GRM7: variants seen among roughly 807,000 people sequenced by gnomAD.
GRM7 encodes metabotropic glutamate receptor 7.
A neutral mutation model predicts 84.5 loss-of-function variants in GRM7; 35 were observed. The observed-to-expected ratio is 0.41, with a 90% confidence interval of 0.32 to 0.55. The LOEUF is 0.55. GRM7 is among the 20% of genes least tolerant of loss of function. The pLI is 0.19. For missense variants in GRM7, 1,003 were observed against 1,194.6 expected (o/e 0.84, Z 2.36); for synonymous variants, 487 against 455.1 (o/e 1.07, Z -0.89).
chr3:7,299,134 A>G (rs1229681868), intron 3 of GRM7, among the ~76,000 whole-genome samples: 1 of 152,212 alleles, frequency 6.6e-6, no homozygotes, highest in African/African-American at 2.4e-5. Flanking sequence ...TATCCAAAGA[A>G]TGGTTCTCTT....
intron 4 of GRM7, among the ~76,000 whole-genome samples, chr3:7,413,230 C>T (rs1696018309): frequency 6.6e-6 from 1 of 152,114 alleles, no homozygotes; most frequent in African/African-American, 2.4e-5. Flanking sequence ...GCTCCATAGC[C>T]ATTAATAAAG....
In GRM7 at chr3:6,997,655, C is replaced by A. The variant is rs568696956; in HGVS notation, c.519+135748C>A. Among the ~76,000 whole-genome samples, 152 of 152,234 alleles carry A rather than the reference C, an allele frequency of 1.0e-3. 1 individual carries two copies. The highest frequency in any genetic ancestry group is 3.6e-3 in the African/African-American group (148 of 41,552). Reference sequence around the variant, plus strand: ...GATGAGAGGTGGGTGGGGACACCACCAAACCATATAATTCTGCTCCTGGCA... The same window carrying A: ...GATGAGAGGTGGGTGGGGACACCACAAAACCATATAATTCTGCTCCTGGCA... On this transcript the variant is annotated intron_variant, in intron 1 of 9. Transcript: ENST00000357716.
chr3:7,647,315 A>G (rs1396489387), intron 8 of GRM7, among the ~76,000 whole-genome samples: 1 of 152,126 alleles, frequency 6.6e-6, no homozygotes, highest in Non-Finnish European at 1.5e-5. Flanking sequence ...TTTCTTCCCA[A>G]TCCTGAGAAA....
intron 2 of GRM7, among the ~76,000 whole-genome samples, chr3:7,285,683 C>G (rs1273212852): frequency 6.6e-6 from 1 of 152,026 alleles, no homozygotes. Context: ...GATGCCTCTA[C>G]CTACCAAATA....
intron 5 of GRM7, among the ~76,000 whole-genome samples, chr3:7,448,506 T>G (rs1311563850): frequency 6.6e-6 from 1 of 152,122 alleles, no homozygotes; most frequent in East Asian, 1.9e-4. Context: ...CTGAACAGAA[T>G]CAGATTTCAG....
intron 7 of GRM7, among the ~76,000 whole-genome samples, chr3:7,564,544 C>T (rs1305969323): frequency 6.6e-6 from 1 of 152,142 alleles, no homozygotes; most frequent in Non-Finnish European, 1.5e-5. Flanking sequence ...ACATTAAATA[C>T]TGGCAATGTT....
In GRM7 at chr3:7,202,151, T is replaced by G. The variant is rs1696089155; in HGVS notation, c.736+55483T>G. Among the ~76,000 whole-genome samples, 3 of 152,168 alleles carry G rather than the reference T, an allele frequency of 2.0e-5. No homozygotes were observed. The South Asian group carries it at 6.2e-4, about 32-fold the overall frequency. ...TCTTGTCTCAAATTAAAGGCTATTT[T>G]CAGGGTTATCTGGTTTTCTTTTCCA... On this transcript the variant is annotated intron_variant, in intron 2 of 9. Coordinates refer to ENST00000357716, the MANE Select transcript of GRM7 (RefSeq NM_000844.4).
At chr3:7,576,912 C>G (rs936192617) in intron 7 of GRM7, among the ~76,000 whole-genome samples, 9 of 152,148 alleles carry the variant, frequency 5.9e-5, no homozygotes, top group African/African-American at 2.2e-4. Context: ...ATGTCATAGT[C>G]TAGGAAAATT....
chr3:7,186,806 T>A (rs1488389312), intron 2 of GRM7, among the ~76,000 whole-genome samples: 1 of 152,226 alleles, frequency 6.6e-6, no homozygotes, highest in African/African-American at 2.4e-5. Context: ...TGTTAATTAG[T>A]CTTCTATTGT....
intron 1 of GRM7, among the ~76,000 whole-genome samples, chr3:6,945,412 A>G (rs574215569): frequency 1.3e-5 from 2 of 152,234 alleles, no homozygotes; most frequent in African/African-American, 4.8e-5. Flanking sequence ...TTATGGCTGC[A>G]TAGTATTCCA....
In GRM7 at chr3:7,419,995, G is replaced by A. The variant is rs183076727; in HGVS notation, c.1174+4832G>A. On this transcript the variant is annotated intron_variant, in intron 5 of 9. Coordinates refer to ENST00000357716, the MANE Select transcript of GRM7 (RefSeq NM_000844.4). ...GGCTAAAGAGCGTACTCTGATAAAT[G>A]TCTACATTTTGGAAGGTCAGAATTC... Among the ~76,000 whole-genome samples, 86 of 152,238 alleles carry A rather than the reference G, an allele frequency of 5.6e-4. 1 individual carries two copies. The highest frequency in any genetic ancestry group is 1.0e-4 in the Non-Finnish European group (7 of 68,014).
intron 5 of GRM7, among the ~76,000 whole-genome samples, chr3:7,442,075 T>C (rs1215877043): frequency 1.3e-5 from 2 of 152,166 alleles, no homozygotes; most frequent in Non-Finnish European, 2.9e-5. Flanking sequence ...CTTTGGGCAG[T>C]ATGGCCATTT....
chr3:6,984,405 A>G (rs1274462711), intron 1 of GRM7, among the ~76,000 whole-genome samples: 1 of 152,208 alleles, frequency 6.6e-6, no homozygotes, highest in Non-Finnish European at 1.5e-5. Flanking sequence ...GATGCATTAC[A>G]ATGGCAGTCC....
intron 1 of GRM7, among the ~76,000 whole-genome samples, chr3:6,946,422 T>TCTGTTTTGGTACCAGTACCATG (rs1698084432): frequency 1.3e-5 from 2 of 152,218 alleles, no homozygotes; most frequent in African/African-American, 4.8e-5. Context: ...GGTCTATATC[T>TCTGTTTTGGTACCAGTACCATG]CTGTTTTGGT....
chr3:7,579,318 C>T lies in GRM7; in HGVS notation c.2412C>T (p.Phe804=), dbSNP rs1276097899. Reference sequence around the variant, plus strand: ...CGACATGTATAGTATGGCTTGCCTTCATTCCAATTTTTTTTGGCACCGCTC... The same window carrying T: ...CGACATGTATAGTATGGCTTGCCTTTATTCCAATTTTTTTTGGCACCGCTC... ...MYTTCIVWLA[F]IPIFFGTAQS... Residue 804 remains phenylalanine, a synonymous_variant, in exon 8 of 10, where the codon TTC becomes TTT. Transcript: ENST00000357716. 1.3e-6 allele frequency: 2 copies of T among 1,571,280 alleles called. No individual in the cohort carries two copies. Among genetic ancestry groups the T allele is most frequent in the Admixed American group, 1.8e-5 (1 of 54,828 alleles).
intron 7 of GRM7, among the ~76,000 whole-genome samples, chr3:7,467,056 T>C (rs903492132): frequency 6.6e-6 from 1 of 152,178 alleles, no homozygotes; most frequent in African/African-American, 2.4e-5. Flanking sequence ...CAGCCATTAG[T>C]CCCTCTTCCT....
rs553822741 is a variant in GRM7, at chr3:7,102,727, G to T, written c.520-43725G>T. Among the ~76,000 whole-genome samples, 10 of 151,812 alleles carry T rather than the reference G, an allele frequency of 6.6e-5. No individual in the cohort carries two copies. The East Asian group carries it at 1.9e-3, about 29-fold the overall frequency. ...TTGTCCCACGGGTCACTAAGGCTCT[G>T]CTCAGTCATCCTTCTCTCTTCTGGT... On this transcript the variant is annotated intron_variant, in intron 1 of 9. Coordinates refer to ENST00000357716, the MANE Select transcript of GRM7 (RefSeq NM_000844.4).
chr3:7,187,623 G>A (rs115904614), intron 2 of GRM7, among the ~76,000 whole-genome samples: 8,897 of 152,056 alleles, frequency 0.059, 674 homozygotes, highest in African/African-American at 0.18. Context: ...CCCATAGACA[G>A]AAAGTAGCAG....
intron 4 of GRM7, among the ~76,000 whole-genome samples, chr3:7,323,520 T>A (rs933228486): frequency 1.3e-5 from 2 of 152,160 alleles, no homozygotes; most frequent in Non-Finnish European, 2.9e-5. Flanking sequence ...TAATATGATA[T>A]CATCAATATA....
Sources: allele counts gnomAD v4.1 joint callset (sites outside exome capture counted in the v4.1 genomes callset), GRCh38; gene constraint gnomAD v4.1.1; transcripts MANE v1.5; gene names NCBI Gene and HGNC (gene_info 2026-07-23, HGNC 2026-07-21).